The following UNC5B variants were observed in gnomAD, a reference collection of about 807,000 sequenced individuals.
The protein encoded by UNC5B is unc-5 netrin receptor B.
UNC5B carries 56 observed loss-of-function variants against 103.7 expected under a neutral mutation model. The ratio of observed to expected loss-of-function variants is 0.54; its 90% CI spans 0.44 to 0.67. The LOEUF (loss-of-function observed/expected upper bound fraction) is 0.67. Among genes scored for constraint, UNC5B ranks in the 30% least tolerant of loss-of-function variants. UNC5B has a pLI of 0.00. For missense variants in UNC5B, 1,194 were observed against 1,284.5 expected, an observed-to-expected ratio of 0.93 and a Z score of 1.08; for synonymous variants, 577 against 542.0, an observed-to-expected ratio of 1.06 and a Z score of -0.90.
At chr10:71,220,571 A>G (rs1355733714) in intron 1 of UNC5B, among the ~76,000 whole-genome samples, 1 of 152,218 alleles carries the variant, frequency 6.6e-6, no homozygotes, top group Non-Finnish European at 1.5e-5. Flanking sequence ...TCACTGACTA[A>G]CTTGGTGACG....
chr10:71,287,835 C>T, intron 6 of UNC5B, 70 bp downstream of exon 6: 1 of 1,559,746 alleles, frequency 6.4e-7, no homozygotes, highest in Non-Finnish European at 8.6e-7. Flanking sequence ...GTGCCAGAGC[C>T]GGGACAGCCA....
intron 1 of UNC5B, among the ~76,000 whole-genome samples, chr10:71,237,577 G>A (rs1175451010): frequency 6.6e-6 from 1 of 152,150 alleles, no homozygotes; most frequent in East Asian, 1.9e-4. Context: ...TACACGGGAA[G>A]TCCTCAGCAC....
intron 1 of UNC5B, among the ~76,000 whole-genome samples, chr10:71,238,890 C>T (rs908293841): frequency 5.9e-5 from 9 of 152,278 alleles, no homozygotes; most frequent in Non-Finnish European, 7.4e-5. Flanking sequence ...AATGATCTCC[C>T]GCCCCAGCCT....
rs760833952 is a variant in UNC5B, at chr10:71,297,945, C to T, written c.2527C>T (p.Pro843Ser). The T allele has an allele frequency of 6.7e-5, 108 of 1,613,680 alleles. No homozygotes were observed. The highest frequency in any genetic ancestry group is 1.0e-4 in the Admixed American group (6 of 59,978). ...AGSLDTLCSA[P>S]GSTVTTQLGP... Reference sequence around the variant, plus strand: ...CTCCCTGGACACTCTCTGCTCTGCCCCTGGCAGCACTGTCACCACCCAGCT... The same window carrying T: ...CTCCCTGGACACTCTCTGCTCTGCCTCTGGCAGCACTGTCACCACCCAGCT... Residue 843 changes from proline (P) to serine (S), a missense_variant, in exon 16 of 17, where the codon CCT becomes TCT. Physicochemically the swap from Pro to Ser is moderately conservative, Grantham distance 74. Coordinates refer to ENST00000335350, the MANE Select transcript of UNC5B (RefSeq NM_170744.5).
chr10:71,244,967 C>T (rs1420839912), intron 1 of UNC5B, among the ~76,000 whole-genome samples: 1 of 152,232 alleles, frequency 6.6e-6, no homozygotes, highest in East Asian at 1.9e-4. Flanking sequence ...TGGCTCCGTG[C>T]AGTGCATGTG....
At chr10:71,225,408 G>A (rs1323325609) in intron 1 of UNC5B, among the ~76,000 whole-genome samples, 1 of 152,226 alleles carries the variant, frequency 6.6e-6, no homozygotes, top group Non-Finnish European at 1.5e-5. Context: ...TGCCTGGCTG[G>A]CCACAGCTGT....
chr10:71,243,683 G>T (rs1259529326), intron 1 of UNC5B, among the ~76,000 whole-genome samples: 1 of 152,180 alleles, frequency 6.6e-6, no homozygotes, highest in Non-Finnish European at 1.5e-5. Context: ...ACCCCACCTG[G>T]ATGGCCAAGG....
rs1367960433 is a variant in UNC5B, at chr10:71,291,190, G to C, written c.1294+81G>C. 2.0e-6 allele frequency: 3 copies of C among 1,494,788 alleles called. No individual in the cohort carries two copies. In the African/African-American group the frequency reaches 4.2e-5, roughly 21 times the overall value. The allele number at this position is 1,494,788 out of a possible 1,614,324, so 92.6% of individuals were successfully genotyped here. ...CTGGTGGTACCCAGACCAGAGCCAG[G>C]CTCCTGACTCCCTCCCAGGGTTTTT... On this transcript the variant is annotated intron_variant, in intron 9 of 16. Transcript: ENST00000335350.
At chr10:71,233,498 G>A (rs1032154012) in intron 1 of UNC5B, among the ~76,000 whole-genome samples, 3 of 152,216 alleles carry the variant, frequency 2.0e-5, no homozygotes, top group Non-Finnish European at 4.4e-5. Flanking sequence ...CCTGTCACCC[G>A]TCCCTATACT....
rs1845527867 is a variant in UNC5B, at chr10:71,299,269, G to T, written c.2830G>T (p.Asp944Tyr). The T allele has an allele frequency of 6.2e-7, 1 of 1,613,862 alleles. No homozygotes were observed. Among genetic ancestry groups the T allele is most frequent in the South Asian group, 1.1e-5 (1 of 91,076 alleles). Reference sequence around the variant, plus strand: ...GCTGGTGGCTGTGGCCACCGACGGGGACTGCTGAGCCTCCTGGGACAGCGG... The same window carrying T: ...GCTGGTGGCTGTGGCCACCGACGGGTACTGCTGAGCCTCCTGGGACAGCGG... Reference protein sequence around the residue: ...EMLVAVATDGDC With the variant: ...EMLVAVATDGYC Residue 944 changes from aspartate (D) to tyrosine (Y), a missense_variant, in exon 17 of 17, where the codon GAC becomes TAC. Transcript: ENST00000335350.
intron 1 of UNC5B, among the ~76,000 whole-genome samples, chr10:71,273,692 G>A (rs1048734581): frequency 1.3e-5 from 2 of 152,210 alleles, no homozygotes; most frequent in Non-Finnish European, 2.9e-5. Context: ...CCTGCTGTCC[G>A]ACAAGCTCCA....
chr10:71,246,719 G>A (rs926578961), intron 1 of UNC5B, among the ~76,000 whole-genome samples: 15 of 152,184 alleles, frequency 9.9e-5, no homozygotes, highest in African/African-American at 3.6e-4. Context: ...CCCTTTCAGA[G>A]CCAGCCACAT....
At chr10:71,294,056 G>A in intron 13 of UNC5B, 123 bp downstream of exon 13, 1 of 913,948 alleles carries the variant, frequency 1.1e-6, no homozygotes, top group Non-Finnish European at 1.6e-6. Flanking sequence ...GCATTATTAG[G>A]TCCCGCTTGC....
At position 71,287,587 on chromosome 10, in the gene UNC5B, C is replaced by T; in HGVS notation, c.734-11C>T. ...AGCCAAGCCATCCAGTTGACAGCTGCCGCCTTGCAGTGAATGGCGGCTGGT... is the reference window on the plus strand; with the variant it reads ...AGCCAAGCCATCCAGTTGACAGCTGTCGCCTTGCAGTGAATGGCGGCTGGT... On this transcript the variant is annotated splice_polypyrimidine_tract_variant and intron_variant, in intron 5 of 16. Coordinates refer to ENST00000335350, the MANE Select transcript of UNC5B (RefSeq NM_170744.5). 2 of 1,582,352 alleles carry T rather than the reference C, an allele frequency of 1.3e-6. No individual in the cohort carries two copies. The highest frequency in any genetic ancestry group is 1.4e-5 in the African/African-American group (1 of 73,772).
chr10:71,222,477 G>A (rs966776744), intron 1 of UNC5B, among the ~76,000 whole-genome samples: 4 of 152,086 alleles, frequency 2.6e-5, no homozygotes, highest in African/African-American at 9.7e-5. Context: ...CAGAGTGGGT[G>A]CTCTGTGGAT....
Position 71,287,706 on chromosome 10 carries a change from G to A in UNC5B, c.842G>A (p.Gly281Glu), listed in dbSNP as rs201024859. 8.1e-6 allele frequency: 13 copies of A among 1,612,966 alleles called. No homozygotes were observed. The South Asian group carries it at 8.8e-5, about 11-fold the overall frequency. ...RTCTNPAPLN[G>E]GAFCEGQAFQ... Reference sequence around the variant, plus strand: ...TGCACCAACCCCGCTCCACTCAACGGAGGGGCCTTCTGCGAGGGCCAGGCA... The same window carrying A: ...TGCACCAACCCCGCTCCACTCAACGAAGGGGCCTTCTGCGAGGGCCAGGCA... Residue 281 changes from glycine (G) to glutamate (E), a missense_variant, in exon 6 of 17, where the codon GGA becomes GAA. By Grantham distance (98) the Gly-to-Glu change is moderately conservative (BLOSUM62 -2). Transcript: ENST00000335350.
In UNC5B at chr10:71,280,045, G is replaced by A. The variant is rs775269102; in HGVS notation, c.304G>A (p.Gly102Ser). Residue 102 changes from glycine (G) to serine (S), a missense_variant and splice_region_variant, in exon 2 of 17, where the codon GGC becomes AGC. By Grantham distance (56) the Gly-to-Ser change is moderately conservative. Coordinates refer to ENST00000335350, the MANE Select transcript of UNC5B (RefSeq NM_170744.5). ...VTQEGLDEAT[G>S]LRVREVQIEV... Reference sequence around the variant, plus strand: ...ACAGGAAGGCCTGGATGAGGCCACCGGTGAGCCCGCCCCACTTGCCTGGGC... The same window carrying A: ...ACAGGAAGGCCTGGATGAGGCCACCAGTGAGCCCGCCCCACTTGCCTGGGC... The A allele has an allele frequency of 6.8e-6, 11 of 1,613,272 alleles. No homozygotes were observed. Among genetic ancestry groups the A allele is most frequent in the South Asian group, 4.4e-5 (4 of 91,060 alleles).
intron 3 of UNC5B, 75 bp downstream of exon 3, chr10:71,284,938 A>G: frequency 6.6e-7 from 1 of 1,517,246 alleles, no homozygotes; most frequent in South Asian, 1.3e-5. Context: ...AGGGAACTTC[A>G]CATCTGTGGG....
At chr10:71,277,637 C>G (rs907162850) in intron 1 of UNC5B, among the ~76,000 whole-genome samples, 5 of 152,222 alleles carry the variant, frequency 3.3e-5, no homozygotes, top group African/African-American at 1.2e-4. Flanking sequence ...GTGTCATCTC[C>G]TCATCAAATC....
Sources: allele counts gnomAD v4.1 joint callset (sites outside exome capture counted in the v4.1 genomes callset), GRCh38; gene constraint gnomAD v4.1.1; transcripts MANE v1.5; gene names NCBI Gene and HGNC (gene_info 2026-07-23, HGNC 2026-07-21).